Variants in BCOR observed in about 807,000 individuals in gnomAD.
BCOR encodes the protein BCL6 corepressor.
Under a neutral mutation model 86.7 loss-of-function variants are expected in BCOR, and 10 were observed. The ratio of observed to expected loss-of-function variants is 0.12; its 90% CI spans 0.07 to 0.20. The LOEUF (loss-of-function observed/expected upper bound fraction) is 0.20. BCOR is among the 10% of genes least tolerant of loss of function. The pLI is 1.00. For synonymous variants in BCOR, 611 were observed against 609.0 expected (o/e 1.00, Z -0.05); for missense variants, 1,259 against 1,452.1 (o/e 0.87, Z 2.16).
At chrX:40,075,713 T>G (rs1214440632) in intron 3 of BCOR, among the ~76,000 whole-genome samples, 3 of 111,388 alleles carry the variant, frequency 2.7e-5, no homozygotes, top group Non-Finnish European at 5.7e-5. Context: ...GAGCCAAGAC[T>G]GCGCCACTGC....
chrX:40,083,403 G>A (rs1028060406), intron 1 of BCOR, among the ~76,000 whole-genome samples: 4 of 112,143 alleles, frequency 3.6e-5, no homozygotes, highest in African/African-American at 1.3e-4. Context: ...GCCGTAGCCA[G>A]CACGGGCGTC....
At chrX:40,144,576 T>G (rs1326736926) in intron 1 of BCOR, among the ~76,000 whole-genome samples, 1 of 112,520 alleles carries the variant, frequency 8.9e-6, no homozygotes, top group Non-Finnish European at 1.9e-5. Flanking sequence ...TTGGCTATTT[T>G]AAGTTGGAGT....
intron 2 of BCOR, chrX:40,076,826 A>AT (rs1935829098): frequency 3.1e-6 from 1 of 325,084 alleles, no homozygotes; most frequent in Non-Finnish European, 5.8e-6. Flanking sequence ...CTCCCTCGAG[A>AT]TTTTTTTCTC....
intron 1 of BCOR, among the ~76,000 whole-genome samples, chrX:40,123,068 C>T (rs952478122): frequency 2.7e-5 from 3 of 111,636 alleles, no homozygotes; most frequent in Non-Finnish European, 5.6e-5. Flanking sequence ...ACTTACTGGC[C>T]TTCCTGTAGA....
At position 40,073,235 on chromosome X, in the gene BCOR, T is replaced by C. The variant is rs754225503; in HGVS notation, c.2111A>G (p.Tyr704Cys). 39 of 1,210,780 alleles carry C rather than the reference T, an allele frequency of 3.2e-5. No homozygotes were observed. Among genetic ancestry groups the C allele is most frequent in the South Asian group, 7.0e-5 (4 of 56,880 alleles). Reference protein sequence around the residue: ...GHLAPKPGLPYGLPTGRPEFV... With the variant: ...GHLAPKPGLPCGLPTGRPEFV... ...CTCTGGACGGCCGGTGGGAAGCCCA[T>C]AGGGCAGCCCAGGCTTTGGGGCAAG... is the stretch of plus-strand genomic sequence containing the variant. Residue 704 changes from tyrosine to cysteine, a missense_variant, in exon 4 of 15, where the codon TAT (tyrosine) becomes TGT (cysteine). Around this residue, in one of 7 missense-constraint regions of BCOR, gnomAD observed 534 missense variants for 594.8 expected, o/e 0.90. Coordinates refer to ENST00000378444, the MANE Select transcript of BCOR (RefSeq NM_001123385.2).
At chrX:40,162,246 TGCCAGTA>T (rs1234677052) in intron 1 of BCOR, among the ~76,000 whole-genome samples, 2 of 112,080 alleles carry the variant, frequency 1.8e-5, no homozygotes, top group Non-Finnish European at 3.8e-5. Flanking sequence ...AGAACAGAGC[TGCCAGTA>T]GCCTATTCTG....
chrX:40,129,572 T>C (rs1214819765), intron 1 of BCOR, among the ~76,000 whole-genome samples: 1 of 108,026 alleles, frequency 9.3e-6, no homozygotes, highest in African/African-American at 3.4e-5. Context: ...GGTATATAAG[T>C]AGAAGGAAGA....
intron 1 of BCOR, among the ~76,000 whole-genome samples, chrX:40,132,110 C>T (rs190203986): frequency 2.9e-4 from 32 of 111,909 alleles, no homozygotes; most frequent in African/African-American, 1.0e-3. Flanking sequence ...AGACTCACAA[C>T]ATAGGTGCCA....
chrX:40,151,004 C>G (rs968845478), intron 1 of BCOR, among the ~76,000 whole-genome samples: 1 of 111,931 alleles, frequency 8.9e-6, no homozygotes, highest in African/African-American at 3.3e-5. Flanking sequence ...CATGAGACAG[C>G]TGGCCAAGGG....
chrX:40,101,171 C>T (rs191022812), upstream of BCOR, among the ~76,000 whole-genome samples: 9 of 111,278 alleles, frequency 8.1e-5, no homozygotes, highest in East Asian at 2.6e-3. Flanking sequence ...GCAATCCCAT[C>T]TTGTGTCCTC....
At chrX:40,092,574 A>G (rs933965115) in intron 1 of BCOR, among the ~76,000 whole-genome samples, 2 of 111,464 alleles carry the variant, frequency 1.8e-5, no homozygotes, top group African/African-American at 6.5e-5. Context: ...CACCTTAGCA[A>G]ATTGGACCCC....
intron 1 of BCOR, among the ~76,000 whole-genome samples, chrX:40,085,597 G>C (rs985688796): frequency 9.0e-5 from 10 of 110,563 alleles, no homozygotes; most frequent in African/African-American, 2.7e-4. Context: ...TGCTGAGGGT[G>C]GGGGGGACAG....
At chrX:40,170,779 A>G (rs907412514) in intron 1 of BCOR, among the ~76,000 whole-genome samples, 24 of 112,623 alleles carry the variant, frequency 2.1e-4, no homozygotes, top group Non-Finnish European at 4.3e-4. Context: ...AAATGATGTA[A>G]AAGGAGGTTC....
At chrX:40,133,898 C>T (rs1937633101) in intron 1 of BCOR, among the ~76,000 whole-genome samples, 1 of 111,228 alleles carries the variant, frequency 9.0e-6, no homozygotes, top group Non-Finnish European at 1.9e-5. Flanking sequence ...TCTGTGGTCC[C>T]TGTGCTCTAA....
rs751977474 is a variant in BCOR, at chrX:40,075,158, C to T, written c.188G>A (p.Arg63Lys). Residue 63 changes from arginine to lysine, a missense_variant, in exon 4 of 15, where the codon AGG (arginine) becomes AAG (lysine). Transcript: ENST00000378444. ...HNVVDASTAH[R>K]IDGLAALSMD... ...GCTCAGTGCTGCCAGGCCATCGATCCTATGGGCCGTGCTCGCATCCACCTT... is the reference window on the plus strand; with the variant it reads ...GCTCAGTGCTGCCAGGCCATCGATCTTATGGGCCGTGCTCGCATCCACCTT... 201 of 1,207,195 alleles carry T rather than the reference C, an allele frequency of 1.7e-4. No individual in the cohort carries two copies. The highest frequency in any genetic ancestry group is 2.1e-4 in the Non-Finnish European group (192 of 894,303).
At position 40,128,081 on chromosome X, in the gene BCOR, C is replaced by G. The variant is rs192013664; in HGVS notation, c.-41+48926G>C. Among the ~76,000 whole-genome samples, 528 of 107,099 alleles carry G rather than the reference C, an allele frequency of 4.9e-3. 4 individuals are homozygous for G. Among genetic ancestry groups the G allele is most frequent in the African/African-American group, 0.017 (491 of 29,313 alleles). The allele number at this position is 107,099 out of a possible 115,157, so 93.0% of individuals were successfully genotyped here. ...CTCTACTAAAAATACAAATATTAGCCGGGAGTGGTGGCATGCACCTGTAGT... is the reference window on the plus strand; with the variant it reads ...CTCTACTAAAAATACAAATATTAGCGGGGAGTGGTGGCATGCACCTGTAGT... On this transcript the variant is annotated intron_variant, in intron 1 of 14. Transcript: ENST00000342274.
At chrX:40,084,275 C>CCT (rs1258254444) in intron 1 of BCOR, among the ~76,000 whole-genome samples, 1 of 112,092 alleles carries the variant, frequency 8.9e-6, no homozygotes, top group African/African-American at 3.2e-5. Flanking sequence ...GTGCCCCCAA[C>CCT]CTCTCTCTCA....
chrX:40,073,796 T>A lies in BCOR; in HGVS notation c.1550A>T (p.Asn517Ile). Residue 517 changes from asparagine to isoleucine, a missense_variant, in exon 4 of 15, where the codon AAC (asparagine) becomes ATC (isoleucine). Physicochemically the swap from Asn to Ile is moderately radical, Grantham distance 149. This residue lies in a region of BCOR where 534 missense variants were observed against 594.8 expected (regional missense o/e 0.90). Transcript: ENST00000378444. ...SSWVVPGPSPNEENNGKSMSL... is the reference protein window; with the variant it reads ...SSWVVPGPSPIEENNGKSMSL... ...CATGCTTTTGCCATTGTTCTCTTCG[T>A]TAGGACTTGGCCCGGGCACCACCCA... The A allele has an allele frequency of 1.6e-6, 2 of 1,212,565 alleles. No individual in the cohort carries two copies. The highest frequency in any genetic ancestry group is 2.2e-6 in the Non-Finnish European group (2 of 895,699).
chrX:40,109,047 C>T (rs1231269896), intron 1 of BCOR, among the ~76,000 whole-genome samples: 2 of 113,065 alleles, frequency 1.8e-5, no homozygotes, highest in African/African-American at 6.4e-5. Flanking sequence ...GGCCCTGGCC[C>T]GCACGATTCG....
Sources: gnomAD v4.1 joint callset for allele counts (sites outside exome capture counted in the v4.1 genomes callset) on GRCh38, gnomAD v4.1.1 for gene constraint, gnomAD v4.1.1 regional missense constraint, MANE v1.5 for transcripts, NCBI Gene and HGNC (gene_info 2026-07-23, HGNC 2026-07-21) for gene names.